Variants in STK10 observed in about 807,000 individuals in gnomAD.
The protein encoded by STK10 is serine/threonine-protein kinase 10.
In STK10, 78 loss-of-function variants were observed where a neutral mutation model predicts 113.8. That is an observed-to-expected ratio of 0.69 (90% CI 0.57 to 0.83). STK10 has a LOEUF of 0.83. Ranked by LOEUF, STK10 falls within the 40% of genes least tolerant of loss-of-function variation. The pLI is 0.00. For synonymous variants in STK10, 465 were observed against 494.7 expected, an observed-to-expected ratio of 0.94 and a Z score of 0.80; for missense variants, 1,109 against 1,280.1, an observed-to-expected ratio of 0.87 and a Z score of 2.04.
At chr5:172,118,683 A>G (rs1769439614) in intron 3 of STK10, among the ~76,000 whole-genome samples, 1 of 151,972 alleles carries the variant, frequency 6.6e-6, no homozygotes, top group Non-Finnish European at 1.5e-5. Context: ...GTTCAAGACC[A>G]TCCTGGCCAA....
intron 13 of STK10, among the ~76,000 whole-genome samples, chr5:172,063,773 C>T (rs772267295): frequency 2.0e-5 from 3 of 152,208 alleles, no homozygotes; most frequent in Non-Finnish European, 4.4e-5. Context: ...GTTTCCTCTT[C>T]TGCGAATGGG....
At chr5:172,171,896 G>A (rs1188262815) in intron 1 of STK10, among the ~76,000 whole-genome samples, 1 of 152,082 alleles carries the variant, frequency 6.6e-6, no homozygotes, top group East Asian at 1.9e-4. Context: ...TAACAGTATA[G>A]CATGGCTGGA....
intron 8 of STK10, among the ~76,000 whole-genome samples, chr5:172,095,015 C>T (rs913353509): frequency 2.6e-5 from 4 of 152,194 alleles, no homozygotes; most frequent in Admixed American, 2.6e-4. Flanking sequence ...CATTGCTTTG[C>T]CCCAGAGGGC....
chr5:172,130,007 T>C (rs1323771189), intron 2 of STK10, among the ~76,000 whole-genome samples: 1 of 152,184 alleles, frequency 6.6e-6, no homozygotes, highest in African/African-American at 2.4e-5. Context: ...TGAGGCTCTG[T>C]GAAAGCCATC....
intron 2 of STK10, among the ~76,000 whole-genome samples, chr5:172,152,284 T>C (rs529035459): frequency 5.3e-5 from 8 of 152,340 alleles, no homozygotes; most frequent in East Asian, 3.9e-4. Flanking sequence ...GGTGGACATA[T>C]GTGCATTCAG....
rs1245089539 is a variant in STK10, at chr5:172,187,011, G to T, written c.156+876C>A. Among the ~76,000 whole-genome samples the T allele has an allele frequency of 6.6e-6, 1 of 152,116 alleles. No individual in the cohort carries two copies. The highest frequency in any genetic ancestry group is 1.5e-5 in the Non-Finnish European group (1 of 68,020). On this transcript the variant is annotated intron_variant, in intron 1 of 18. Coordinates refer to ENST00000176763, the MANE Select transcript of STK10 (RefSeq NM_005990.4). This position sits in a 1 kb window ranked among gnomAD's most constrained non-coding sequence, Gnocchi z 4.6. ...CTGGAGGTATACACCAATTTAACAA[G>T]TGGGCGTCTCCCAGTAAAAATTTTC...
intron 10 of STK10, 25 bp downstream of exon 10, chr5:172,090,207 C>T: frequency 4.3e-6 from 7 of 1,613,008 alleles, no homozygotes; most frequent in Non-Finnish European, 5.9e-6. Flanking sequence ...CTGTTACCAC[C>T]ATTGGTGGCC....
chr5:172,188,191 T>C lies in STK10; in HGVS notation c.-149A>G. 7.3e-7 allele frequency: 1 copy of C among 1,364,246 alleles called. No individual in the cohort carries two copies. Among genetic ancestry groups the C allele is most frequent in the East Asian group, 2.6e-5 (1 of 38,048 alleles). 84.5% of individuals were successfully genotyped at this position (1,364,246 alleles called of 1,614,324 possible). A position where few individuals can be genotyped will look rare whatever the true frequency, so the allele number is the denominator to read the frequency against. ...GCCTTTCCCCGCAGCCCGACCTCGG[T>C]CAAGTGTGCCCTGGGCAGCGCCGCG... On this transcript the variant is annotated 5_prime_UTR_variant, in exon 1 of 19. Transcript: ENST00000176763. The surrounding 1 kb of genome is among the most constrained non-coding windows in gnomAD (Gnocchi z 5.6).
chr5:172,072,633 G>A (rs1768221803), intron 12 of STK10, among the ~76,000 whole-genome samples: 1 of 152,142 alleles, frequency 6.6e-6, no homozygotes, highest in South Asian at 2.1e-4. Context: ...TCCAATGAGG[G>A]CAGCTATAAA....
intron 3 of STK10, among the ~76,000 whole-genome samples, chr5:172,126,166 G>A (rs1241954966): frequency 2.0e-5 from 3 of 152,202 alleles, no homozygotes; most frequent in Non-Finnish European, 4.4e-5. Flanking sequence ...AGCATGAGCC[G>A]GGGATGCTGC....
intron 3 of STK10, 68 bp from the exon 4 acceptor site, chr5:172,117,698 C>T (rs1769418059): frequency 1.3e-6 from 2 of 1,588,380 alleles, no homozygotes; most frequent in African/African-American, 1.4e-5. Flanking sequence ...ATGTCAGGCC[C>T]ACGCCAGGGA....
chr5:172,148,811 T>C (rs1039884176), intron 2 of STK10, among the ~76,000 whole-genome samples: 7 of 152,234 alleles, frequency 4.6e-5, no homozygotes, highest in Non-Finnish European at 1.0e-4. Flanking sequence ...GGCTGGAGCC[T>C]GGCTCTGACA....
intron 2 of STK10, among the ~76,000 whole-genome samples, chr5:172,139,197 A>G (rs953045487): frequency 4.6e-5 from 7 of 152,302 alleles, no homozygotes; most frequent in Non-Finnish European, 5.9e-5. Flanking sequence ...CTATCCTAAA[A>G]TATTATGGAA....
At chr5:172,079,787 C>A (rs1047749532) in intron 12 of STK10, among the ~76,000 whole-genome samples, 6 of 152,086 alleles carry the variant, frequency 3.9e-5, no homozygotes, top group Non-Finnish European at 8.8e-5. Context: ...GTTTCGAACT[C>A]CTGACCTCAA....
chr5:172,178,802 C>T (rs906882537), intron 1 of STK10, among the ~76,000 whole-genome samples: 1 of 152,202 alleles, frequency 6.6e-6, no homozygotes, highest in Non-Finnish European at 1.5e-5. Context: ...AAGGAACGCT[C>T]GTCTGCACAA....
chr5:172,112,328 C>CA (rs1344056602), intron 4 of STK10, among the ~76,000 whole-genome samples: 2 of 152,070 alleles, frequency 1.3e-5, no homozygotes, highest in Non-Finnish European at 2.9e-5. Flanking sequence ...CACACACACA[C>CA]ACCGGTCTGG....
At chr5:172,151,235 C>T (rs1313907582) in intron 2 of STK10, among the ~76,000 whole-genome samples, 1 of 152,192 alleles carries the variant, frequency 6.6e-6, no homozygotes. Flanking sequence ...AACTGAGGCA[C>T]AAGGACAGAA....
rs75310727 is a variant in STK10, at chr5:172,134,083, A to G, written c.322-6662T>C. 9.9e-3 allele frequency among the ~76,000 whole-genome samples: 1,501 copies of G among 152,286 alleles called. 29 individuals are homozygous for G. The highest frequency in any genetic ancestry group is 0.034 in the African/African-American group (1,403 of 41,550). ...GACCCCTGGTCACACTTTGAGAACTACTGCTCAATGGGAATTTATAAGAGC... is the reference window on the plus strand; with the variant it reads ...GACCCCTGGTCACACTTTGAGAACTGCTGCTCAATGGGAATTTATAAGAGC... On this transcript the variant is annotated intron_variant, in intron 2 of 18. Transcript: ENST00000176763.
intron 10 of STK10, among the ~76,000 whole-genome samples, chr5:172,085,205 G>A (rs906430254): frequency 1.3e-5 from 2 of 151,790 alleles, no homozygotes; most frequent in Admixed American, 6.6e-5. Context: ...TGACTATGCC[G>A]CTTGCACTCC....
Sources: allele counts gnomAD v4.1 joint callset (sites outside exome capture counted in the v4.1 genomes callset), GRCh38; gene constraint gnomAD v4.1.1; non-coding constraint Gnocchi (gnomAD v3.1); transcripts MANE v1.5; gene names NCBI Gene and HGNC (gene_info 2026-07-23, HGNC 2026-07-21).